Variants in SLC9A9 observed in about 807,000 individuals in gnomAD.
SLC9A9 encodes sodium/hydrogen exchanger 9.
SLC9A9 carries 62 observed loss-of-function variants against 77.8 expected under a neutral mutation model. That is an observed-to-expected ratio of 0.80 (90% CI 0.65 to 0.98). The LOEUF (loss-of-function observed/expected upper bound fraction) is 0.98, where lower values mean the gene tolerates loss of function less well. Ranked by LOEUF, SLC9A9 falls within the 50% of genes least tolerant of loss-of-function variation. The pLI is 0.00. For synonymous variants in SLC9A9, 320 were observed against 283.5 expected (o/e 1.13, Z -1.29); for missense variants, 775 against 774.9 (o/e 1.00, Z 0.00).
chr3:143,509,728 G>A (rs2036083109), intron 9 of SLC9A9, among the ~76,000 whole-genome samples: 1 of 152,128 alleles, frequency 6.6e-6, no homozygotes, highest in African/African-American at 2.4e-5. Flanking sequence ...CCCTGAGAAA[G>A]TGCTCTTGTA....
intron 14 of SLC9A9, among the ~76,000 whole-genome samples, chr3:143,314,687 AC>A (rs2031141574): frequency 6.6e-6 from 1 of 152,226 alleles, no homozygotes; most frequent in East Asian, 1.9e-4. Flanking sequence ...TCGAGGTTAC[AC>A]AGTAGAGATG....
At position 143,595,330 on chromosome 3, in the gene SLC9A9, C is replaced by T. The variant is rs768321145; in HGVS notation, c.756-16607G>A. On this transcript the variant is annotated intron_variant, in intron 6 of 15. Coordinates refer to ENST00000316549, the MANE Select transcript of SLC9A9 (RefSeq NM_173653.4). Reference sequence around the variant, plus strand: ...AATTATACTAAGATGTATTTCACTTCAGATGGTGATGATCCATTTTCTACC... The same window carrying T: ...AATTATACTAAGATGTATTTCACTTTAGATGGTGATGATCCATTTTCTACC... 2.6e-5 allele frequency among the ~76,000 whole-genome samples: 4 copies of T among 152,176 alleles called. No individual in the cohort carries two copies. The South Asian group carries it at 8.3e-4, about 32-fold the overall frequency.
intron 12 of SLC9A9, among the ~76,000 whole-genome samples, chr3:143,463,960 T>C (rs2108566713): frequency 6.6e-6 from 1 of 152,312 alleles, no homozygotes; most frequent in East Asian, 1.9e-4. Context: ...ACATTTTCTT[T>C]GCATCCTACT....
At position 143,612,700 on chromosome 3, in the gene SLC9A9, T is replaced by C. The variant is rs148256285; in HGVS notation, c.756-33977A>G. On this transcript the variant is annotated intron_variant, in intron 6 of 15. Transcript: ENST00000316549. ...GATTTGAAATGACAGGTATGGGAAT[T>C]CCCAGTTGAATTCACACCAAGCTAC... Among the ~76,000 whole-genome samples, 690 of 152,308 alleles carry C rather than the reference T, an allele frequency of 4.5e-3. 12 individuals carry two copies. The highest frequency in any genetic ancestry group is 0.016 in the African/African-American group (659 of 41,568).
At chr3:143,329,391 C>T (rs895769332) in intron 14 of SLC9A9, among the ~76,000 whole-genome samples, 6 of 152,260 alleles carry the variant, frequency 3.9e-5, no homozygotes, top group Admixed American at 1.3e-4. Context: ...TTGTAGAACC[C>T]GTACAGGTAA....
intron 12 of SLC9A9, among the ~76,000 whole-genome samples, chr3:143,405,600 T>C (rs1358128152): frequency 6.6e-6 from 1 of 152,136 alleles, no homozygotes; most frequent in Non-Finnish European, 1.5e-5. Flanking sequence ...ACCTCTATCA[T>C]ATAGGTGGGG....
intron 4 of SLC9A9, among the ~76,000 whole-genome samples, chr3:143,694,270 A>T (rs985916451): frequency 2.0e-5 from 3 of 152,170 alleles, no homozygotes; most frequent in Admixed American, 1.3e-4. Context: ...CGTTAAAAAA[A>T]AGTATCACTA....
intron 12 of SLC9A9, among the ~76,000 whole-genome samples, chr3:143,432,779 C>A (rs1559913631): frequency 6.6e-6 from 1 of 152,136 alleles, no homozygotes; most frequent in Non-Finnish European, 1.5e-5. Context: ...AGGTATATAC[C>A]CCCACACCCG....
intron 9 of SLC9A9, chr3:143,518,277 G>A: frequency 7.2e-7 from 1 of 1,380,522 alleles, no homozygotes; most frequent in Non-Finnish European, 1.0e-6. Context: ...CCGGTTCCAG[G>A]CCCAGGCGCT....
At chr3:143,321,464 C>T (rs2031417108) in intron 14 of SLC9A9, among the ~76,000 whole-genome samples, 1 of 152,184 alleles carries the variant, frequency 6.6e-6, no homozygotes. Flanking sequence ...GTCCTTCCCA[C>T]ATTTCTCCCA....
chr3:143,499,581 GT>G (rs574336666), intron 9 of SLC9A9, among the ~76,000 whole-genome samples: 4 of 151,964 alleles, frequency 2.6e-5, no homozygotes, highest in Middle Eastern at 3.4e-3. Context: ...ATAAGGATAG[GT>G]TTTTTTCCTT....
At chr3:143,453,343 C>T (rs2035039139) in intron 12 of SLC9A9, among the ~76,000 whole-genome samples, 2 of 151,956 alleles carry the variant, frequency 1.3e-5, no homozygotes, top group Non-Finnish European at 2.9e-5. Flanking sequence ...GCCTTTAGTT[C>T]ATGTTATGAA....
intron 4 of SLC9A9, among the ~76,000 whole-genome samples, chr3:143,758,594 T>C (rs2007007718): frequency 6.6e-6 from 1 of 151,940 alleles, no homozygotes; most frequent in African/African-American, 2.4e-5. Context: ...GTGGGGGTAG[T>C]GGTGTGGGAA....
intron 14 of SLC9A9, among the ~76,000 whole-genome samples, chr3:143,320,220 C>T (rs745930732): frequency 6.6e-6 from 1 of 152,182 alleles, no homozygotes; most frequent in African/African-American, 2.4e-5. Flanking sequence ...ATCCTCAGTG[C>T]CTGGAACTTG....
intron 5 of SLC9A9, among the ~76,000 whole-genome samples, chr3:143,690,557 C>A (rs758696452): frequency 6.6e-6 from 1 of 152,082 alleles, no homozygotes; most frequent in African/African-American, 2.4e-5. Flanking sequence ...CTATCAAAAA[C>A]TGTTGTCATT....
chr3:143,363,491 C>T lies in SLC9A9; in HGVS notation c.1597G>A (p.Asp533Asn). ...ARLFRMWYSF[D>N]HKYLKPILTH... is the part of the protein sequence containing the mutation. ...GTTATTATCAAAGGATACTTGTGGT[C>T]AAAGCTATACCACATTCTGAAGAGC... Residue 533 changes from aspartate to asparagine, a missense_variant, in exon 14 of 16, where the codon GAC becomes AAC. Coordinates refer to ENST00000316549, the MANE Select transcript of SLC9A9 (RefSeq NM_173653.4). 1 of 1,612,266 alleles carries T rather than the reference C, an allele frequency of 6.2e-7. No individual in the cohort carries two copies. Among genetic ancestry groups the T allele is most frequent in the Non-Finnish European group, 8.5e-7 (1 of 1,178,688 alleles).
chr3:143,398,776 A>G (rs557345032), intron 12 of SLC9A9, among the ~76,000 whole-genome samples: 33 of 152,206 alleles, frequency 2.2e-4, no homozygotes, highest in Non-Finnish European at 3.7e-4. Flanking sequence ...CAACACTAAT[A>G]TATCACTAAA....
intron 14 of SLC9A9, among the ~76,000 whole-genome samples, chr3:143,323,090 A>G (rs1281471857): frequency 1.3e-5 from 2 of 152,208 alleles, no homozygotes; most frequent in African/African-American, 4.8e-5. Flanking sequence ...AATGTTGGTG[A>G]GGATTTGGAG....
At chr3:143,392,447 G>A (rs995406665) in intron 12 of SLC9A9, among the ~76,000 whole-genome samples, 14 of 152,190 alleles carry the variant, frequency 9.2e-5, no homozygotes, top group African/African-American at 3.4e-4. Context: ...GCTCCTGAAG[G>A]AAGCACTAAA....
Sources: gnomAD v4.1 joint callset for allele counts (sites outside exome capture counted in the v4.1 genomes callset) on GRCh38, gnomAD v4.1.1 for gene constraint, MANE v1.5 for transcripts, NCBI Gene and HGNC (gene_info 2026-07-23, HGNC 2026-07-21) for gene names.